COL23A1: variants seen among roughly 807,000 people sequenced by gnomAD.
COL23A1 encodes collagen alpha-1(XXIII) chain.
In COL23A1, 97 loss-of-function variants were observed where a neutral mutation model predicts 99.3. The observed-to-expected ratio is 0.98, with a 90% CI of 0.83 to 1.16. COL23A1 has a LOEUF of 1.16. Among genes scored for constraint, COL23A1 ranks in the 50% most tolerant of loss-of-function variants. The pLI, the probability that COL23A1 is intolerant of heterozygous loss-of-function variation, is 0.00. For synonymous variants in COL23A1, 320 were observed against 308.2 expected, an observed-to-expected ratio of 1.04 and a Z score of -0.40; for missense variants, 762 against 757.4, an observed-to-expected ratio of 1.01 and a Z score of -0.07.
At chr5:178,312,356 C>A (rs1758742125) in intron 2 of COL23A1, among the ~76,000 whole-genome samples, 1 of 152,172 alleles carries the variant, frequency 6.6e-6, no homozygotes, top group African/African-American at 2.4e-5. Context: ...CGTCTGAGAG[C>A]AGCATCAGCA....
At chr5:178,293,074 C>T (rs1232837067) in intron 3 of COL23A1, among the ~76,000 whole-genome samples, 1 of 151,864 alleles carries the variant, frequency 6.6e-6, no homozygotes, top group Non-Finnish European at 1.5e-5. Context: ...GGGATGTGGA[C>T]AGTGGGTGCT....
At chr5:178,300,656 T>A (rs1021550111) in intron 3 of COL23A1, among the ~76,000 whole-genome samples, 3 of 152,112 alleles carry the variant, frequency 2.0e-5, no homozygotes, top group African/African-American at 7.2e-5. Flanking sequence ...TCCGAGAGAT[T>A]CAAGCAACTC....
chr5:178,450,825 G>C (rs1053421665), intron 2 of COL23A1, among the ~76,000 whole-genome samples: 2 of 152,172 alleles, frequency 1.3e-5, no homozygotes, highest in Non-Finnish European at 2.9e-5. Context: ...GAGAAACCAA[G>C]GCCCAAGAAA....
chr5:178,543,765 C>T (rs1581602845), intron 2 of COL23A1, among the ~76,000 whole-genome samples: 1 of 152,186 alleles, frequency 6.6e-6, no homozygotes, highest in Admixed American at 6.5e-5. Context: ...AATTGCATGG[C>T]TTACAGATTT....
intron 2 of COL23A1, among the ~76,000 whole-genome samples, chr5:178,477,405 A>G (rs1003762929): frequency 9.2e-5 from 14 of 152,252 alleles, no homozygotes; most frequent in Non-Finnish European, 1.9e-4. Flanking sequence ...AGTTTTACCC[A>G]TATTTATGCA....
intron 8 of COL23A1, among the ~76,000 whole-genome samples, chr5:178,264,867 A>C (rs1454090859): frequency 1.3e-5 from 2 of 152,112 alleles, no homozygotes; most frequent in Admixed American, 6.6e-5. Flanking sequence ...GCTGGTTTCG[A>C]ACTCCTGACC....
At chr5:178,572,067 C>CAAAAAAA (rs1288485909) in intron 1 of COL23A1, among the ~76,000 whole-genome samples, 42 of 54,278 alleles carry the variant, frequency 7.7e-4, no homozygotes, top group African/African-American at 5.9e-3. Context: ...GACTCTTTCT[C>CAAAAAAA]AAAACAAAAA....
At chr5:178,569,679 T>C (rs1484174815) in intron 1 of COL23A1, among the ~76,000 whole-genome samples, 1 of 152,080 alleles carries the variant, frequency 6.6e-6, no homozygotes, top group Admixed American at 6.6e-5. Flanking sequence ...AATCAATGAG[T>C]CAGCTGGGGG....
intron 2 of COL23A1, among the ~76,000 whole-genome samples, chr5:178,342,110 A>C (rs1332252688): frequency 6.6e-6 from 1 of 152,168 alleles, no homozygotes; most frequent in African/African-American, 2.4e-5. Context: ...GCTCTGAGCC[A>C]GGAAGTGCTT....
rs561289871 is a variant in COL23A1, at chr5:178,306,830, G to A, written c.406+45C>T. 7.6e-5 allele frequency: 107 copies of A among 1,402,210 alleles called. No homozygotes were observed. In the Admixed American group the frequency reaches 1.7e-3, roughly 22 times the overall value. The allele number at this position is 1,402,210 out of a possible 1,614,324, so 86.9% of individuals were successfully genotyped here. On this transcript the variant is annotated intron_variant, in intron 3 of 28. Coordinates refer to ENST00000390654, the MANE Select transcript of COL23A1 (RefSeq NM_173465.4). This position sits in a 1 kb window ranked among gnomAD's most constrained non-coding sequence, Gnocchi z 4.1. ...TGCAGTCAGAGCCTGGGGCCATGGT[G>A]GCTTCCAAGCCTTGGCTTAGGAGCT...
chr5:178,551,679 C>A (rs547817941), intron 2 of COL23A1, among the ~76,000 whole-genome samples: 140 of 152,284 alleles, frequency 9.2e-4, no homozygotes, highest in African/African-American at 3.2e-3. Flanking sequence ...CGTTATCAAC[C>A]CTCCTCCCCG....
Position 178,306,769 on chromosome 5 carries a change from G to T in COL23A1, c.406+106C>A. On this transcript the variant is annotated intron_variant, in intron 3 of 28. Transcript: ENST00000390654. This position sits in a 1 kb window ranked among gnomAD's most constrained non-coding sequence, Gnocchi z 4.1. ...GGGAGGAGCACCTGCCCAGGACCAA[G>T]GCATGACTCAGGGTGGGCAGCAGGT... The T allele has an allele frequency of 3.7e-6, 3 of 814,678 alleles. No homozygotes were observed. Among genetic ancestry groups the T allele is most frequent in the Non-Finnish European group, 5.4e-6 (3 of 553,926 alleles). The allele number at this position is 814,678 out of a possible 1,614,324, so 50.5% of individuals were successfully genotyped here.
chr5:178,260,610 C>T (rs1014621339), intron 11 of COL23A1, among the ~76,000 whole-genome samples: 8 of 152,166 alleles, frequency 5.3e-5, no homozygotes, highest in Non-Finnish European at 2.9e-5. Flanking sequence ...GCCTGACCAA[C>T]ATGGTGAAAC....
chr5:178,568,131 A>T (rs1762924617), intron 1 of COL23A1, among the ~76,000 whole-genome samples: 2 of 152,244 alleles, frequency 1.3e-5, no homozygotes, highest in African/African-American at 4.8e-5. Flanking sequence ...CATGAGAAGT[A>T]TTAGACTATC....
chr5:178,386,378 G>T (rs1763673893), intron 2 of COL23A1, among the ~76,000 whole-genome samples: 1 of 151,914 alleles, frequency 6.6e-6, no homozygotes. Flanking sequence ...AGCGGAGGTT[G>T]CAGTGAGCTG....
chr5:178,518,507 TG>T (rs1759708605), intron 2 of COL23A1, among the ~76,000 whole-genome samples: 2 of 104,230 alleles, frequency 1.9e-5, no homozygotes, highest in East Asian at 3.7e-4. Flanking sequence ...CCGGACGGGG[TG>T]GCTGGCCGGG....
intron 2 of COL23A1, among the ~76,000 whole-genome samples, chr5:178,381,111 A>C (rs149551812): frequency 2.0e-5 from 3 of 152,228 alleles, no homozygotes; most frequent in African/African-American, 7.2e-5. Flanking sequence ...CAGTCACTGA[A>C]GTGGAGTGGG....
intron 17 of COL23A1, among the ~76,000 whole-genome samples, chr5:178,251,925 T>TTTTA (rs1554125608): frequency 7.0e-6 from 1 of 142,794 alleles, no homozygotes; most frequent in Admixed American, 7.1e-5. Context: ...TTTTTTTTTT[T>TTTTA]ATTTTGAGAC....
At chr5:178,254,824 G>T (rs1418609311) in intron 16 of COL23A1, 125 bp downstream of exon 16, 3 of 790,368 alleles carry the variant, frequency 3.8e-6, no homozygotes, top group African/African-American at 1.7e-5. Flanking sequence ...AACAGCCGGG[G>T]TCTTTGTGCT....
Sources: gnomAD v4.1 joint callset for allele counts (sites outside exome capture counted in the v4.1 genomes callset) on GRCh38, gnomAD v4.1.1 for gene constraint, Gnocchi (gnomAD v3.1) non-coding constraint, MANE v1.5 for transcripts, NCBI Gene and HGNC (gene_info 2026-07-23, HGNC 2026-07-21) for gene names.